The following ASB7 variants were observed in gnomAD, a reference collection of about 807,000 sequenced individuals.
ASB7 encodes ankyrin repeat and SOCS box protein 7.
In ASB7, 4 loss-of-function variants were observed where a neutral mutation model predicts 32.5. The observed-to-expected ratio is 0.12, with a 90% CI of 0.06 to 0.28. The LOEUF (loss-of-function observed/expected upper bound fraction) is 0.28, where lower values mean the gene tolerates loss of function less well. ASB7 is among the 10% of genes least tolerant of loss of function. The probability of loss-of-function intolerance (pLI) is 1.00; values close to 1 mark genes in which losing one functional copy is unlikely to be tolerated. For synonymous variants in ASB7, 172 were observed against 155.6 expected (o/e 1.11, Z -0.78); for missense variants, 181 against 407.1 (o/e 0.44, Z 4.78).
intron 5 of ASB7, among the ~76,000 whole-genome samples, chr15:100,635,553 C>G (rs1409562773): frequency 6.6e-6 from 1 of 152,172 alleles, no homozygotes; most frequent in African/African-American, 2.4e-5. Context: ...CTGCAGTGCC[C>G]TTGTTTCTGT....
intron 5 of ASB7, among the ~76,000 whole-genome samples, chr15:100,631,712 C>T (rs958999217): frequency 6.6e-6 from 1 of 152,110 alleles, no homozygotes; most frequent in Non-Finnish European, 1.5e-5. Flanking sequence ...TTGGGCAGGT[C>T]GCCTAATCTC....
rs377231528 is a variant in ASB7, at chr15:100,604,542, A to G, written c.-174+1229A>G. 2.0e-5 allele frequency among the ~76,000 whole-genome samples: 3 copies of G among 152,200 alleles called. No homozygotes were observed. The South Asian group carries it at 6.2e-4, about 31-fold the overall frequency. On this transcript the variant is annotated intron_variant, in intron 2 of 5. Transcript: ENST00000332783. ...CTGCCCTCCACAAAAAGAAATTAGT[A>G]TCTTTACTGATTCTGTTAATTCTTA...
Position 100,612,215 on chromosome 15 carries a change from G to A in ASB7, c.-2G>A. On this transcript the variant is annotated 5_prime_UTR_variant, in exon 4 of 6. Transcript: ENST00000332783. ...CCTTTGTAAAAAGTGGACTCAGCTA[G>A]GATGTTACACCATCATTGTCGAAGG... 6.2e-7 allele frequency: 1 copy of A among 1,611,574 alleles called. No individual in the cohort carries two copies. Among genetic ancestry groups the A allele is most frequent in the Middle Eastern group, 1.7e-4 (1 of 5,806 alleles).
chr15:100,630,485 G>A (rs369851493), intron 5 of ASB7, among the ~76,000 whole-genome samples: 4 of 152,276 alleles, frequency 2.6e-5, no homozygotes, highest in East Asian at 3.9e-4. Flanking sequence ...AGTTGTTCAC[G>A]TTTTAATTGT....
rs2040010798 is a variant in ASB7, at chr15:100,648,488, G to A, written c.*26G>A. ...TATGCCAGAACTGTGAGCAAGATTA[G>A]GAGTTCTATTCTAGATACTTAAAAG... On this transcript the variant is annotated 3_prime_UTR_variant, in exon 6 of 6. Transcript: ENST00000332783. 3 of 1,575,146 alleles carry A rather than the reference G, an allele frequency of 1.9e-6. No homozygotes were observed. Among genetic ancestry groups the A allele is most frequent in the Non-Finnish European group, 2.6e-6 (3 of 1,152,358 alleles).
intron 5 of ASB7, among the ~76,000 whole-genome samples, chr15:100,634,998 A>G (rs1416364861): frequency 6.6e-6 from 1 of 152,172 alleles, no homozygotes; most frequent in African/African-American, 2.4e-5. Context: ...AAGAGGCCAT[A>G]CTGTGCTTTC....
chr15:100,620,226 C>T (rs1323021133), intron 4 of ASB7, among the ~76,000 whole-genome samples: 6 of 152,210 alleles, frequency 3.9e-5, no homozygotes, highest in Admixed American at 6.5e-5. Flanking sequence ...TTTTCAATTA[C>T]TTATAATACC....
At chr15:100,618,031 C>T (rs2039759059) in intron 4 of ASB7, among the ~76,000 whole-genome samples, 1 of 152,226 alleles carries the variant, frequency 6.6e-6, no homozygotes, top group African/African-American at 2.4e-5. Context: ...CATAGCTCAT[C>T]ACAGCCTCTA....
chr15:100,603,103 G>A (rs2039575209), intron 1 of ASB7, 57 bp downstream of exon 1: 1 of 398,830 alleles, frequency 2.5e-6, no homozygotes, highest in Non-Finnish European at 4.4e-6. Flanking sequence ...GTAGGAGGGA[G>A]GAAAATCTCT....
At chr15:100,642,068 A>T (rs2039965415) in intron 5 of ASB7, among the ~76,000 whole-genome samples, 2 of 152,188 alleles carry the variant, frequency 1.3e-5, no homozygotes, top group Non-Finnish European at 2.9e-5. Context: ...ATGGTCAAGA[A>T]ACCTTTAAAA....
At chr15:100,616,108 T>C (rs557286115) in intron 4 of ASB7, among the ~76,000 whole-genome samples, 1 of 152,336 alleles carries the variant, frequency 6.6e-6, no homozygotes, top group African/African-American at 2.4e-5. Flanking sequence ...TCACCTGCCT[T>C]TGCTAGTGAT....
intron 2 of ASB7, among the ~76,000 whole-genome samples, chr15:100,607,316 A>G (rs910979080): frequency 1.4e-4 from 22 of 152,042 alleles, no homozygotes; most frequent in African/African-American, 4.8e-4. Context: ...CATATTTACC[A>G]CTAGATATTG....
At chr15:100,630,209 A>G in intron 5 of ASB7, 167 bp downstream of exon 5, 2 of 1,334,760 alleles carry the variant, frequency 1.5e-6, no homozygotes, top group South Asian at 1.9e-5. Flanking sequence ...CTTTGACTGT[A>G]TCACAAGATT....
intron 5 of ASB7, among the ~76,000 whole-genome samples, chr15:100,641,602 A>G (rs1212035171): frequency 6.6e-6 from 1 of 152,210 alleles, no homozygotes; most frequent in Non-Finnish European, 1.5e-5. Flanking sequence ...AGGGATTTCC[A>G]GAATGTGATT....
chr15:100,604,979 A>G (rs1205939268), intron 2 of ASB7, among the ~76,000 whole-genome samples: 2 of 152,192 alleles, frequency 1.3e-5, no homozygotes, highest in Non-Finnish European at 2.9e-5. Context: ...TAACTCTAGG[A>G]CGCTTTCATT....
At chr15:100,622,997 A>ATTTTCT (rs2039806757) in intron 4 of ASB7, among the ~76,000 whole-genome samples, 1 of 152,232 alleles carries the variant, frequency 6.6e-6, no homozygotes, top group Non-Finnish European at 1.5e-5. Context: ...ATGAAGAGAC[A>ATTTTCT]GCCTGTTGAA....
intron 4 of ASB7, among the ~76,000 whole-genome samples, chr15:100,627,627 A>C (rs1225756285): frequency 6.6e-6 from 1 of 152,252 alleles, no homozygotes; most frequent in Non-Finnish European, 1.5e-5. Context: ...CCTGAAATGG[A>C]AACCAAAGAT....
At chr15:100,645,538 A>C in intron 5 of ASB7, 1 of 673,208 alleles carries the variant, frequency 1.5e-6, no homozygotes, top group South Asian at 1.4e-5. Context: ...CAGCCACATC[A>C]TAGAGAGGAG....
At chr15:100,627,647 G>C (rs62019336) in intron 4 of ASB7, among the ~76,000 whole-genome samples, 1 of 151,812 alleles carries the variant, frequency 6.6e-6, no homozygotes, top group South Asian at 2.1e-4. Flanking sequence ...TGCAAGTGCA[G>C]TGTTTTGTAA....
Sources: allele counts gnomAD v4.1 joint callset (sites outside exome capture counted in the v4.1 genomes callset), GRCh38; gene constraint gnomAD v4.1.1; transcripts MANE v1.5; gene names NCBI Gene and HGNC (gene_info 2026-07-23, HGNC 2026-07-21).